Variants in FAHD2A observed in about 807,000 individuals in gnomAD.
FAHD2A encodes fumarylacetoacetate hydrolase domain containing 2A.
FAHD2A carries 27 observed loss-of-function variants against 33.4 expected under a neutral mutation model. The observed-to-expected ratio is 0.81, with a 90% CI of 0.60 to 1.11. The LOEUF is 1.11. Among genes scored for constraint, FAHD2A ranks in the 50% most tolerant of loss-of-function variants. FAHD2A has a pLI of 0.00. For synonymous variants in FAHD2A, 130 were observed against 153.3 expected (o/e 0.85, Z 1.12); for missense variants, 296 against 395.0 (o/e 0.75, Z 2.12).
In FAHD2A at chr2:95,414,043, T is replaced by C. The variant is rs1682918133; in HGVS notation, c.*1086T>C. The C allele has an allele frequency of 1.9e-5, 27 of 1,448,094 alleles. No individual in the cohort carries two copies. The highest frequency in any genetic ancestry group is 2.6e-5 in the Non-Finnish European group (27 of 1,030,992). 89.7% of individuals were successfully genotyped at this position (1,448,094 alleles called of 1,614,324 possible). Reference sequence around the variant, plus strand: ...GGAAAGAAGAGAGAAGTGAAGGCTCTAGGTAGGGAGGACAGGGAGACACTG... The same window carrying C: ...GGAAAGAAGAGAGAAGTGAAGGCTCCAGGTAGGGAGGACAGGGAGACACTG... On this transcript the variant is annotated 3_prime_UTR_variant, in exon 8 of 8. Coordinates refer to ENST00000233379, the MANE Select transcript of FAHD2A (RefSeq NM_016044.3).
downstream of FAHD2A, among the ~76,000 whole-genome samples, chr2:95,417,179 CAG>C (rs1248877245): frequency 4.6e-5 from 7 of 152,242 alleles, no homozygotes; most frequent in African/African-American, 1.7e-4. Flanking sequence ...CTTAATGTCT[CAG>C]AACATCTGCC....
chr2:95,409,095 C>A (rs974133678), intron 3 of FAHD2A, among the ~76,000 whole-genome samples: 7 of 152,208 alleles, frequency 4.6e-5, no homozygotes, highest in Admixed American at 1.3e-4. Flanking sequence ...CATCGTATCC[C>A]ACTGGGAGGC....
rs186812153 is a variant in FAHD2A at position 95,410,459 on chromosome 2, G to A, written c.463-68G>A. 3.7e-5 allele frequency: 58 copies of A among 1,556,508 alleles called. No individual in the cohort carries two copies. In the East Asian group the frequency reaches 1.4e-3, roughly 37 times the overall value. ...AGGTTGAGGCCCTTCAGCATGGTGT[G>A]CAGCCTCTCAGCATGGACAGTGGGC... On this transcript the variant is annotated intron_variant, in intron 3 of 7. Coordinates refer to ENST00000233379, the MANE Select transcript of FAHD2A (RefSeq NM_016044.3).
At position 95,403,820 on chromosome 2, in the gene FAHD2A, A is replaced by G. The variant is rs1442054847; in HGVS notation, c.-7+948A>G. 2.6e-5 allele frequency among the ~76,000 whole-genome samples: 4 copies of G among 152,234 alleles called. No individual in the cohort carries two copies. In the East Asian group the frequency reaches 7.7e-4, roughly 29 times the overall value. On this transcript the variant is annotated intron_variant, in intron 1 of 7. Transcript: ENST00000233379. ...CAGTACCTACCTTCCACAATTGTCGAGAATTAAATCAGACATTGTAGGTAG... is the reference window on the plus strand; with the variant it reads ...CAGTACCTACCTTCCACAATTGTCGGGAATTAAATCAGACATTGTAGGTAG...
downstream of FAHD2A, among the ~76,000 whole-genome samples, chr2:95,419,542 G>A (rs1683285326): frequency 6.6e-6 from 1 of 152,046 alleles, no homozygotes; most frequent in Non-Finnish European, 1.5e-5. Flanking sequence ...AGTAGAGCCT[G>A]AGGCAAGGAT....
Position 95,410,542 on chromosome 2 carries a change from G to C in FAHD2A, c.478G>C (p.Val160Leu). The stretch of plus-strand genomic sequence containing the variant: ...CACCCTACAGGAGGTAGATTGGGAA[G>C]TGGAGCTGGCCGTGGTCATTGGAAA... ...PPQSQEVDWEVELAVVIGKKG... is the reference protein window; with the variant it reads ...PPQSQEVDWELELAVVIGKKG... Residue 160 changes from valine to leucine, a missense_variant, in exon 4 of 8, where the codon GTG becomes CTG. Val to Leu is a conservative substitution (Grantham distance 32). Transcript: ENST00000233379. 1.2e-6 allele frequency: 2 copies of C among 1,611,676 alleles called. No homozygotes were observed. Among genetic ancestry groups the C allele is most frequent in the Non-Finnish European group, 1.7e-6 (2 of 1,179,064 alleles).
At position 95,413,097 on chromosome 2, in the gene FAHD2A, G is replaced by A; in HGVS notation, c.*140G>A. 1.6e-6 allele frequency: 2 copies of A among 1,234,266 alleles called. No individual in the cohort carries two copies. The highest frequency in any genetic ancestry group is 2.9e-5 in the South Asian group (2 of 68,582). 76.5% of individuals were successfully genotyped at this position (1,234,266 alleles called of 1,614,324 possible). ...TCTCGGTAGAAGGGAGAAGGACAGAGCTCTCTTCAATAAATTCGTCAGGTC... is the reference window on the plus strand; with the variant it reads ...TCTCGGTAGAAGGGAGAAGGACAGAACTCTCTTCAATAAATTCGTCAGGTC... On this transcript the variant is annotated 3_prime_UTR_variant, in exon 8 of 8. Coordinates refer to ENST00000233379, the MANE Select transcript of FAHD2A (RefSeq NM_016044.3).
Position 95,413,258 on chromosome 2 carries a change from GA to G in FAHD2A, c.*305del. On this transcript the variant is annotated 3_prime_UTR_variant, in exon 8 of 8. Coordinates refer to ENST00000233379, the MANE Select transcript of FAHD2A (RefSeq NM_016044.3). ...GCCAAAAAGATGCTGCTGGGCTGGG[GA>G]AAAGACAATTCGTGTCGTCCCCTTG... is the stretch of plus-strand genomic sequence containing the variant. 7.6e-7 allele frequency: 1 copy of G among 1,311,498 alleles called. No homozygotes were observed. The highest frequency in any genetic ancestry group is 1.0e-6 in the Non-Finnish European group (1 of 975,330). 81.2% of individuals were successfully genotyped at this position (1,311,498 alleles called of 1,614,324 possible).
At chr2:95,409,001 G>C (rs1029864254) in intron 3 of FAHD2A, among the ~76,000 whole-genome samples, 2 of 152,244 alleles carry the variant, frequency 1.3e-5, no homozygotes, top group Admixed American at 1.3e-4. Context: ...TCACATTCTG[G>C]GTTTGTCTGG....
chr2:95,414,454 C>T lies in FAHD2A; in HGVS notation c.*1497C>T, dbSNP rs1170827109. On this transcript the variant is annotated 3_prime_UTR_variant, in exon 8 of 8. Coordinates refer to ENST00000233379, the MANE Select transcript of FAHD2A (RefSeq NM_016044.3). ...CCCCGTCTCAGTTCCTCCACTGCTT[C>T]GTCCCAGATTCTGTTTTTGTTTTCC... The T allele has an allele frequency of 9.4e-6, 5 of 533,752 alleles. No individual in the cohort carries two copies. Among genetic ancestry groups the T allele is most frequent in the East Asian group, 6.7e-5 (2 of 29,750 alleles). 33.1% of individuals were successfully genotyped at this position (533,752 alleles called of 1,614,324 possible).
intron 1 of FAHD2A, among the ~76,000 whole-genome samples, chr2:95,404,644 T>C (rs1389842507): frequency 6.6e-6 from 1 of 152,226 alleles, no homozygotes; most frequent in Non-Finnish European, 1.5e-5. Context: ...AGCACTAAGC[T>C]TTCCCAAGTA....
chr2:95,417,149 G>A (rs575334302), downstream of FAHD2A, among the ~76,000 whole-genome samples: 2 of 152,254 alleles, frequency 1.3e-5, no homozygotes. Flanking sequence ...AGAAGACCTT[G>A]GGGGACTATA....
chr2:95,419,680 G>C (rs771178122), downstream of FAHD2A, among the ~76,000 whole-genome samples: 59 of 152,158 alleles, frequency 3.9e-4, no homozygotes, highest in Non-Finnish European at 6.8e-4. Flanking sequence ...TTCACACCAA[G>C]CTGCAAAGAT....
At chr2:95,417,383 G>A (rs1683240257), downstream of FAHD2A, among the ~76,000 whole-genome samples, 1 of 152,080 alleles carries the variant, frequency 6.6e-6, no homozygotes. Flanking sequence ...TCCTGACTAA[G>A]AGAAGCAGCC....
chr2:95,405,120 C>G (rs1305390359), intron 1 of FAHD2A, among the ~76,000 whole-genome samples: 1 of 152,254 alleles, frequency 6.6e-6, no homozygotes, highest in Non-Finnish European at 1.5e-5. Flanking sequence ...CAGCTCACAT[C>G]ACTTCCTCCA....
rs761090920 is a variant in FAHD2A, at chr2:95,407,006, G to C, written c.311G>C (p.Arg104Pro). Residue 104 changes from arginine to proline, a missense_variant, in exon 3 of 8, where the codon CGA becomes CCA. Transcript: ENST00000233379. ...SEVTFLAPVT[R>P]PDKVVCVGMN... ...GTAACCTTCCTGGCTCCAGTCACAC[G>C]ACCAGATAAGGTGGTGTGTGTGGGC... 3 of 1,613,836 alleles carry C rather than the reference G, an allele frequency of 1.9e-6. No individual in the cohort carries two copies. Among genetic ancestry groups the C allele is most frequent in the Non-Finnish European group, 2.5e-6 (3 of 1,179,882 alleles).
downstream of FAHD2A, among the ~76,000 whole-genome samples, chr2:95,419,635 C>G (rs994113152): frequency 7.2e-5 from 11 of 151,920 alleles, no homozygotes; most frequent in Non-Finnish European, 1.2e-4. Context: ...GATGGAAGGC[C>G]CTGTGATGAA....
rs1440398562 is a variant in FAHD2A at position 95,412,456 on chromosome 2, C to G, written c.708C>G (p.Cys236Trp). 1 of 1,613,976 alleles carries G rather than the reference C, an allele frequency of 6.2e-7. No homozygotes were observed. Among genetic ancestry groups the G allele is most frequent in the Non-Finnish European group, 8.5e-7 (1 of 1,179,878 alleles). ...CAGATCCACACAACTTAAAGATCTG[C>G]TGCCGAGTGAATGGGGAAGTGGTCC... ...SVADPHNLKICCRVNGEVVQS... is the reference protein window; with the variant it reads ...SVADPHNLKIWCRVNGEVVQS... Residue 236 changes from cysteine (C) to tryptophan (W), a missense_variant, in exon 6 of 8, where the codon TGC (cysteine) becomes TGG (tryptophan). Cys to Trp is a radical substitution (Grantham distance 215). Transcript: ENST00000233379.
At position 95,414,008 on chromosome 2, in the gene FAHD2A, T is replaced by C. The variant is rs1682913751; in HGVS notation, c.*1051T>C. On this transcript the variant is annotated 3_prime_UTR_variant, in exon 8 of 8. Transcript: ENST00000233379. ...TAGCACTGATGGCAAGCTTTGGGTCTGCACACTCTGGAAAGAAGAGAGAAG... is the reference window on the plus strand; with the variant it reads ...TAGCACTGATGGCAAGCTTTGGGTCCGCACACTCTGGAAAGAAGAGAGAAG... 6.2e-6 allele frequency: 9 copies of C among 1,451,050 alleles called. No individual in the cohort carries two copies. Among genetic ancestry groups the C allele is most frequent in the East Asian group, 2.3e-5 (1 of 43,978 alleles). 89.9% of individuals were successfully genotyped at this position (1,451,050 alleles called of 1,614,324 possible).
Sources: gnomAD v4.1 joint callset for allele counts (sites outside exome capture counted in the v4.1 genomes callset) on GRCh38, gnomAD v4.1.1 for gene constraint, MANE v1.5 for transcripts, NCBI Gene and HGNC (gene_info 2026-07-23, HGNC 2026-07-21) for gene names.